The following TMEM181 variants were observed in gnomAD, a reference collection of about 807,000 sequenced individuals.
The protein encoded by TMEM181 is transmembrane protein 181, also known as G protein-coupled receptor 178.
Under a neutral mutation model 71.9 loss-of-function variants are expected in TMEM181, and 39 were observed. That is an observed-to-expected ratio of 0.54 (90% CI 0.42 to 0.71). The LOEUF (loss-of-function observed/expected upper bound fraction) is 0.71, where lower values mean the gene tolerates loss of function less well. Ranked by LOEUF, TMEM181 falls within the 30% of genes least tolerant of loss-of-function variation. The pLI, the probability that TMEM181 is intolerant of heterozygous loss-of-function variation, is 0.00. For missense variants in TMEM181, 595 were observed against 583.0 expected (o/e 1.02, Z -0.21); for synonymous variants, 245 against 228.8 (o/e 1.07, Z -0.64).
At chr6:158,549,016 T>C (rs1421061697) in intron 1 of TMEM181, among the ~76,000 whole-genome samples, 1 of 152,098 alleles carries the variant, frequency 6.6e-6, no homozygotes, top group East Asian at 1.9e-4. Context: ...GGCTTTGTTA[T>C]TGTAAATTCC....
chr6:158,623,468 A>G, intron 10 of TMEM181, 82 bp from the exon 11 acceptor site: 1 of 1,022,776 alleles, frequency 9.8e-7, no homozygotes, highest in Non-Finnish European at 1.4e-6. Flanking sequence ...AGTAAAAAAA[A>G]CAAAAAGTCA....
chr6:158,628,125 T>A (rs1235213422), intron 13 of TMEM181, among the ~76,000 whole-genome samples: 1 of 151,582 alleles, frequency 6.6e-6, no homozygotes, highest in Non-Finnish European at 1.5e-5. Context: ...AGGCCCCGAG[T>A]AGGGAGAGTG....
intron 1 of TMEM181, among the ~76,000 whole-genome samples, chr6:158,550,889 CA>C (rs1781699249): frequency 1.5e-5 from 1 of 65,742 alleles, no homozygotes; most frequent in African/African-American, 7.1e-5. Context: ...GACTCTGTCT[CA>C]GGAAAAAAAA....
At chr6:158,562,218 G>T (rs907620027) in intron 1 of TMEM181, among the ~76,000 whole-genome samples, 5 of 152,174 alleles carry the variant, frequency 3.3e-5, no homozygotes, top group Non-Finnish European at 7.3e-5. Context: ...AGCAAAAAAG[G>T]TTAGCAGTTC....
intron 15 of TMEM181, among the ~76,000 whole-genome samples, chr6:158,630,355 G>A (rs755112651): frequency 3.3e-5 from 5 of 152,080 alleles, no homozygotes; most frequent in African/African-American, 1.2e-4. Flanking sequence ...AATTAGACAG[G>A]TGTGGTGACA....
At chr6:158,599,173 C>T (rs1784538413) in intron 6 of TMEM181, among the ~76,000 whole-genome samples, 1 of 151,354 alleles carries the variant, frequency 6.6e-6, no homozygotes, top group African/African-American at 2.4e-5. Context: ...TTTTACTGGT[C>T]ATATTTTTGT....
chr6:158,544,752 C>T (rs1356414849), intron 1 of TMEM181, among the ~76,000 whole-genome samples: 2 of 152,132 alleles, frequency 1.3e-5, no homozygotes, highest in African/African-American at 4.8e-5. Context: ...AAGGCCTGCC[C>T]ACGCCTCAGG....
intron 1 of TMEM181, among the ~76,000 whole-genome samples, chr6:158,562,168 C>G (rs1470324461): frequency 1.3e-5 from 2 of 152,208 alleles, no homozygotes; most frequent in East Asian, 3.9e-4. Context: ...GCCCAGCCTG[C>G]TCTTTAAAAA....
chr6:158,632,992 C>G lies in TMEM181; in HGVS notation c.*1104C>G, dbSNP rs912002460. 1 of 152,200 alleles carries G rather than the reference C, an allele frequency of 6.6e-6. No individual in the cohort carries two copies. The highest frequency in any genetic ancestry group is 1.5e-5 in the Non-Finnish European group (1 of 68,102). The allele number at this position is 152,200 out of a possible 1,614,324, so 9.4% of individuals were successfully genotyped here. A position where few individuals can be genotyped will look rare whatever the true frequency, so the allele number is the denominator to read the frequency against. On this transcript the variant is annotated 3_prime_UTR_variant, in exon 17 of 17. Coordinates refer to ENST00000684151, the MANE Select transcript of TMEM181 (RefSeq NM_001376852.1). ...GCTGAGGTGGGAGGATTGCTTGAGC[C>G]CTGGAGGTCAAGGCTGCAGTGAGCC...
At chr6:158,537,931 G>A (rs960892695) in intron 1 of TMEM181, among the ~76,000 whole-genome samples, 4 of 152,146 alleles carry the variant, frequency 2.6e-5, no homozygotes, top group African/African-American at 9.6e-5. Flanking sequence ...GCGGGACCGT[G>A]GTCATGGTTA....
In TMEM181 at chr6:158,581,073, G is replaced by C. The variant is rs562162202; in HGVS notation, c.168+78G>C. 1.2e-3 allele frequency: 1,733 copies of C among 1,412,048 alleles called. 34 individuals are homozygous for C. In the South Asian group the frequency reaches 0.019, roughly 15 times the overall value. 87.5% of individuals were successfully genotyped at this position (1,412,048 alleles called of 1,614,324 possible). A position where few individuals can be genotyped will look rare whatever the true frequency, so the allele number is the denominator to read the frequency against. On this transcript the variant is annotated intron_variant, in intron 3 of 16. Transcript: ENST00000684151. ...GGTCACTGAGAAATGGTTCCGCTTA[G>C]AGTCTTTAAGGTAGCCTTCCCTTGC... is the stretch of plus-strand genomic sequence containing the variant.
chr6:158,559,260 G>C (rs1240938940), upstream of TMEM181, among the ~76,000 whole-genome samples: 1 of 152,118 alleles, frequency 6.6e-6, no homozygotes, highest in Non-Finnish European at 1.5e-5. Context: ...CTTACTGTTG[G>C]TAATTTTCTT....
intron 5 of TMEM181, 160 bp from the exon 6 acceptor site, chr6:158,589,512 C>A: frequency 1.7e-6 from 1 of 601,136 alleles, no homozygotes; most frequent in Non-Finnish European, 3.0e-6. Flanking sequence ...TTTCTAGGAA[C>A]TGTGTTTGGC....
intron 7 of TMEM181, among the ~76,000 whole-genome samples, chr6:158,606,092 G>A (rs1031067478): frequency 6.6e-6 from 1 of 152,152 alleles, no homozygotes; most frequent in Non-Finnish European, 1.5e-5. Flanking sequence ...ACAGGCGCGT[G>A]CACATGTGAG....
rs772270689 is a variant in TMEM181 at position 158,608,672 on chromosome 6, G to A, written c.818G>A (p.Cys273Tyr). Residue 273 changes from cysteine (C) to tyrosine (Y), a missense_variant, in exon 10 of 17, where the codon TGT becomes TAT. Physicochemically the swap from Cys to Tyr is radical, Grantham distance 194. Coordinates refer to ENST00000684151, the MANE Select transcript of TMEM181 (RefSeq NM_001376852.1). ...HGIRVQGERK[C>Y]LTFYLPKFFI... ...TTTTCTTTTTAGGGAGAAAGAAAGTGTTTAACTTTCTATTTGCCTAAATTC... is the reference window on the plus strand; with the variant it reads ...TTTTCTTTTTAGGGAGAAAGAAAGTATTTAACTTTCTATTTGCCTAAATTC... 29 of 1,610,012 alleles carry A rather than the reference G, an allele frequency of 1.8e-5. No homozygotes were observed. The highest frequency in any genetic ancestry group is 1.7e-4 in the Middle Eastern group (1 of 6,046).
chr6:158,568,932 T>C (rs1010271597), intron 1 of TMEM181, among the ~76,000 whole-genome samples: 2 of 152,236 alleles, frequency 1.3e-5, no homozygotes, highest in African/African-American at 4.8e-5. Flanking sequence ...AACGGGGTCT[T>C]GTTTCTGAGG....
chr6:158,563,736 G>C (rs996514490), intron 1 of TMEM181, among the ~76,000 whole-genome samples: 1 of 152,220 alleles, frequency 6.6e-6, no homozygotes, highest in Non-Finnish European at 1.5e-5. Context: ...ACCAGTCCTT[G>C]GGTAGCTTAG....
chr6:158,562,856 C>T (rs191170226), intron 1 of TMEM181, among the ~76,000 whole-genome samples: 3 of 152,318 alleles, frequency 2.0e-5, no homozygotes, highest in African/African-American at 7.2e-5. Flanking sequence ...TCGTGGAATC[C>T]TCACTATCAC....
chr6:158,617,625 A>G (rs1471529143), intron 10 of TMEM181, among the ~76,000 whole-genome samples: 3 of 152,000 alleles, frequency 2.0e-5, no homozygotes, highest in Non-Finnish European at 4.4e-5. Context: ...AGTGCTATAA[A>G]TTTTCCTCTA....
Sources: gnomAD v4.1 joint callset for allele counts (sites outside exome capture counted in the v4.1 genomes callset) on GRCh38, gnomAD v4.1.1 for gene constraint, MANE v1.5 for transcripts, NCBI Gene and HGNC (gene_info 2026-07-23, HGNC 2026-07-21) for gene names.